Variants in COL13A1 observed in about 807,000 individuals in gnomAD.
COL13A1 encodes collagen alpha-1(XIII) chain.
Under a neutral mutation model 130.9 loss-of-function variants are expected in COL13A1, and 89 were observed. That is an observed-to-expected ratio of 0.68 (90% CI 0.57 to 0.81). The LOEUF is 0.81. Ranked by LOEUF, COL13A1 falls within the 30% of genes least tolerant of loss-of-function variation. The pLI, the probability that COL13A1 is intolerant of heterozygous loss-of-function variation, is 0.00. For missense variants in COL13A1, 879 were observed against 934.6 expected, an observed-to-expected ratio of 0.94 and a Z score of 0.78; for synonymous variants, 402 against 341.6, an observed-to-expected ratio of 1.18 and a Z score of -1.95.
In COL13A1 at chr10:69,891,535, A is replaced by G. The variant is rs140778295; in HGVS notation, c.603+2095A>G. Among the ~76,000 whole-genome samples, 609 of 152,310 alleles carry G rather than the reference A, an allele frequency of 4.0e-3. 1 individual carries two copies. The highest frequency in any genetic ancestry group is 5.9e-3 in the Non-Finnish European group (402 of 68,030). The stretch of plus-strand genomic sequence containing the variant: ...GGTTCCCCAGCAAGGTTTCCTCTCC[A>G]TCACAGCTGCCTCCGCTGCAAATGC... On this transcript the variant is annotated intron_variant, in intron 10 of 40. Coordinates refer to ENST00000645393, the MANE Select transcript of COL13A1 (RefSeq NM_001368882.1).
At chr10:69,833,551 G>C (rs1025074492) in intron 2 of COL13A1, among the ~76,000 whole-genome samples, 7 of 152,194 alleles carry the variant, frequency 4.6e-5, no homozygotes, top group Non-Finnish European at 1.0e-4. Context: ...AGAAGCATAG[G>C]CATCTAGTTT....
intron 40 of COL13A1, among the ~76,000 whole-genome samples, chr10:69,958,058 A>G (rs1308898034): frequency 1.3e-5 from 2 of 152,098 alleles, no homozygotes; most frequent in Non-Finnish European, 2.9e-5. Context: ...CCCCAGGCCA[A>G]CGCTGACCAC....
At chr10:69,808,928 G>A (rs946375280) in intron 1 of COL13A1, among the ~76,000 whole-genome samples, 2 of 152,208 alleles carry the variant, frequency 1.3e-5, no homozygotes, top group Non-Finnish European at 2.9e-5. Context: ...ACTTCTGTGT[G>A]TCCAGGCTGC....
chr10:69,878,237 C>G (rs1456123919), intron 6 of COL13A1, among the ~76,000 whole-genome samples, 172 bp downstream of exon 6: 2 of 152,222 alleles, frequency 1.3e-5, no homozygotes, highest in Non-Finnish European at 2.9e-5. Context: ...TCCATAACAT[C>G]GGGCAGCAGT....
Position 69,932,597 on chromosome 10 carries a change from G to A in COL13A1, c.1721G>A (p.Gly574Glu). 1 of 1,606,314 alleles carries A rather than the reference G, an allele frequency of 6.2e-7. No homozygotes were observed. The highest frequency in any genetic ancestry group is 8.5e-7 in the Non-Finnish European group (1 of 1,173,206). The part of the protein sequence containing the change: ...KGEAGEKGNP[G>E]AEVPGLPGPE... ...GAAGCCGGGGAGAAGGGCAATCCAG[G>A]AGCAGAGGTACATGAGAGATAATTT... is the stretch of plus-strand genomic sequence containing the variant. Residue 574 changes from glycine to glutamate, a missense_variant, in exon 31 of 41, where the codon GGA becomes GAA. Transcript: ENST00000645393.
chr10:69,880,926 C>T (rs1480967878), intron 7 of COL13A1, among the ~76,000 whole-genome samples: 1 of 152,204 alleles, frequency 6.6e-6, no homozygotes, highest in East Asian at 1.9e-4. Context: ...GCCCATGGAG[C>T]AGATACGAGT....
chr10:69,944,268 C>T, intron 36 of COL13A1, 90 bp downstream of exon 36: 1 of 1,071,750 alleles, frequency 9.3e-7, no homozygotes, highest in Non-Finnish European at 1.4e-6. Flanking sequence ...TCATGCCTTC[C>T]TTCTTCCATC....
rs527322248 is a variant in COL13A1 at position 69,952,745 on chromosome 10, A to G, written c.2059-137A>G. The G allele has an allele frequency of 2.5e-4, 155 of 626,056 alleles. 1 individual carries two copies. The African/African-American group carries it at 2.6e-3, about 10-fold the overall frequency. The allele number at this position is 626,056 out of a possible 1,614,324, so 38.8% of individuals were successfully genotyped here. A position where few individuals can be genotyped will look rare whatever the true frequency, so the allele number is the denominator to read the frequency against. ...GAGGTGGGTATTGACTCCAAATCCT[A>G]CTGGGGAGAATATCCTAATTTAAAG... On this transcript the variant is annotated intron_variant, in intron 38 of 40. Coordinates refer to ENST00000645393, the MANE Select transcript of COL13A1 (RefSeq NM_001368882.1).
chr10:69,837,538 AT>A (rs1479344239), intron 2 of COL13A1, among the ~76,000 whole-genome samples: 1 of 152,216 alleles, frequency 6.6e-6, no homozygotes, highest in Admixed American at 6.5e-5. Flanking sequence ...ACAGAAACTG[AT>A]TGGACCCTGA....
chr10:69,833,295 G>A (rs2133001101), intron 2 of COL13A1, among the ~76,000 whole-genome samples: 1 of 152,342 alleles, frequency 6.6e-6, no homozygotes, highest in African/African-American at 2.4e-5. Flanking sequence ...ATAACTGGAA[G>A]TTACAGTAAC....
intron 2 of COL13A1, among the ~76,000 whole-genome samples, chr10:69,834,106 G>T (rs967929351): frequency 6.6e-6 from 1 of 152,168 alleles, no homozygotes; most frequent in Non-Finnish European, 1.5e-5. Context: ...TCCATGTATG[G>T]GGATGGGGGG....
chr10:69,887,642 A>T (rs974740869), intron 8 of COL13A1, among the ~76,000 whole-genome samples, 151 bp downstream of exon 8: 1 of 152,126 alleles, frequency 6.6e-6, no homozygotes, highest in African/African-American at 2.4e-5. Flanking sequence ...ATGGACACCA[A>T]CTCAGGACAG....
chr10:69,883,560 CATA>C (rs2060339467), intron 7 of COL13A1, among the ~76,000 whole-genome samples: 1 of 152,228 alleles, frequency 6.6e-6, no homozygotes, highest in South Asian at 2.1e-4. Context: ...CCAGTGATCA[CATA>C]ATCCATGACA....
chr10:69,807,343 T>C (rs1490320281), intron 1 of COL13A1, among the ~76,000 whole-genome samples: 1 of 152,154 alleles, frequency 6.6e-6, no homozygotes, highest in South Asian at 2.1e-4. Flanking sequence ...TGTTAAGGAA[T>C]CTCCTGGGAG....
chr10:69,829,969 G>C (rs550432270), intron 2 of COL13A1, among the ~76,000 whole-genome samples: 43 of 152,204 alleles, frequency 2.8e-4, no homozygotes, highest in Non-Finnish European at 5.9e-4. Context: ...GTTTCTCCTA[G>C]ATCCGCTCTG....
rs193009508 is a variant in COL13A1, at chr10:69,845,509, C to T, written c.365-22289C>T. ...CACCAGCCCTCTTCCTCTTTTCTTA[C>T]ACCCTCTAAATACCCCCACCCCTGC... On this transcript the variant is annotated intron_variant, in intron 2 of 40. Coordinates refer to ENST00000645393, the MANE Select transcript of COL13A1 (RefSeq NM_001368882.1). Among the ~76,000 whole-genome samples the T allele has an allele frequency of 4.5e-3, 682 of 152,046 alleles. 5 individuals are homozygous for T. The highest frequency in any genetic ancestry group is 0.015 in the African/African-American group (638 of 41,472).
chr10:69,905,673 C>A, intron 16 of COL13A1, 114 bp from the exon 17 acceptor site: 1 of 1,139,170 alleles, frequency 8.8e-7, no homozygotes, highest in Non-Finnish European at 1.3e-6. Context: ...GTTGAAGGGG[C>A]AGTGGAACTT....
intron 14 of COL13A1, among the ~76,000 whole-genome samples, chr10:69,901,004 T>C (rs1033086725): frequency 2.0e-5 from 3 of 152,118 alleles, no homozygotes; most frequent in African/African-American, 2.4e-5. Flanking sequence ...CCACAAAAAA[T>C]ATAAACACAC....
chr10:69,881,553 G>A (rs750738200), intron 7 of COL13A1, among the ~76,000 whole-genome samples: 1 of 152,184 alleles, frequency 6.6e-6, no homozygotes. Context: ...GGGTTGTGGC[G>A]AGTGCAGGGA....
Sources: gnomAD v4.1 joint callset for allele counts (sites outside exome capture counted in the v4.1 genomes callset) on GRCh38, gnomAD v4.1.1 for gene constraint, MANE v1.5 for transcripts, NCBI Gene and HGNC (gene_info 2026-07-23, HGNC 2026-07-21) for gene names.